Variants in ADAMTS18 observed in about 807,000 individuals in gnomAD.
The protein encoded by ADAMTS18 is A disintegrin and metalloproteinase with thrombospondin motifs 18.
ADAMTS18 carries 157 observed loss-of-function variants against 165.9 expected under a neutral mutation model. The observed-to-expected ratio is 0.95, with a 90% confidence interval of 0.83 to 1.08. ADAMTS18 has a LOEUF of 1.08. Ranked by LOEUF, ADAMTS18 falls within the 50% of genes least tolerant of loss-of-function variation. The probability of loss-of-function intolerance (pLI) is 0.00; values close to 1 mark genes in which losing one functional copy is unlikely to be tolerated. For synonymous variants in ADAMTS18, 782 were observed against 578.2 expected, an observed-to-expected ratio of 1.35 and a Z score of -5.06; for missense variants, 2,040 against 1,534.0, an observed-to-expected ratio of 1.33 and a Z score of -5.51.
At chr16:77,342,336 T>C (rs2056411002) in intron 10 of ADAMTS18, among the ~76,000 whole-genome samples, 1 of 152,220 alleles carries the variant, frequency 6.6e-6, no homozygotes, top group Non-Finnish European at 1.5e-5. Flanking sequence ...CATGCAGTTC[T>C]CAAAAATACT....
At chr16:77,321,336 G>C in intron 14 of ADAMTS18, 134 bp from the exon 15 acceptor site, 1 of 1,218,684 alleles carries the variant, frequency 8.2e-7, no homozygotes, top group South Asian at 1.3e-5. Context: ...AAAAATCACA[G>C]CCTCAAGTTG....
At chr16:77,322,784 A>G (rs2056026946) in intron 13 of ADAMTS18, among the ~76,000 whole-genome samples, 1 of 152,208 alleles carries the variant, frequency 6.6e-6, no homozygotes, top group Non-Finnish European at 1.5e-5. Flanking sequence ...CAAAGGCCTG[A>G]TGGTCAGCCA....
intron 10 of ADAMTS18, among the ~76,000 whole-genome samples, chr16:77,352,658 AGGAG>A (rs1653690071): frequency 6.6e-6 from 1 of 152,106 alleles, no homozygotes; most frequent in Admixed American, 6.5e-5. Context: ...GTGGCAGAGA[AGGAG>A]GAATAGGGAG....
chr16:77,365,007 G>T (rs1224432716), intron 4 of ADAMTS18, among the ~76,000 whole-genome samples: 1 of 152,118 alleles, frequency 6.6e-6, no homozygotes, highest in Non-Finnish European at 1.5e-5. Context: ...TTGGGAGGCT[G>T]AGGCAGGCGG....
chr16:77,356,621 A>G (rs1303216241), intron 8 of ADAMTS18, among the ~76,000 whole-genome samples: 1 of 130,494 alleles, frequency 7.7e-6, no homozygotes, highest in Non-Finnish European at 1.8e-5. Flanking sequence ...ACTCTCTTAT[A>G]ATAAACATTT....
intron 3 of ADAMTS18, among the ~76,000 whole-genome samples, chr16:77,426,054 A>C (rs553780230): frequency 6.6e-6 from 1 of 151,496 alleles, no homozygotes; most frequent in African/African-American, 2.4e-5. Flanking sequence ...CAAACAAACA[A>C]ACAGAAACGG....
chr16:77,363,593 A>C (rs538115800), intron 6 of ADAMTS18, among the ~76,000 whole-genome samples: 14 of 151,522 alleles, frequency 9.2e-5, no homozygotes, highest in Non-Finnish European at 1.8e-4. Flanking sequence ...TGCATATATA[A>C]ATATATTTAA....
intron 6 of ADAMTS18, 150 bp downstream of exon 6, chr16:77,363,652 C>G (rs1364210105): frequency 4.8e-6 from 3 of 623,720 alleles, no homozygotes; most frequent in East Asian, 2.8e-5. Context: ...ATTACACAAT[C>G]TTTTAAAATT....
In ADAMTS18 at chr16:77,321,148, C is replaced by A. The variant is rs199599392; in HGVS notation, c.2218G>T (p.Val740Phe). 1 of 1,614,010 alleles carries A rather than the reference C, an allele frequency of 6.2e-7. No individual in the cohort carries two copies. Among genetic ancestry groups the A allele is most frequent in the Non-Finnish European group, 8.5e-7 (1 of 1,180,018 alleles). ...CAAGTTGAATTATCACCTTTGCAAACGCCACAAGCATCTGAAACTGCTTTA... is the reference window on the plus strand; with the variant it reads ...CAAGTTGAATTATCACCTTTGCAAAAGCCACAAGCATCTGAAACTGCTTTA... ...GSKAVSDACG[V>F]CKGDNSTCKF... Residue 740 changes from valine to phenylalanine, a missense_variant, in exon 15 of 23, where the codon GTT becomes TTT. Val to Phe is a conservative substitution (Grantham distance 50). Coordinates refer to ENST00000282849, the MANE Select transcript of ADAMTS18 (RefSeq NM_199355.4).
In ADAMTS18 at chr16:77,283,750, T is replaced by TCAAGTGCTTCAGAGTAC. The variant is rs2055193295; in HGVS notation, c.*189_*205dup. The TCAAGTGCTTCAGAGTAC allele has an allele frequency of 5.3e-6, 3 of 567,638 alleles. No individual in the cohort carries two copies. The Admixed American group carries it at 9.2e-5, about 17-fold the overall frequency. 35.2% of individuals were successfully genotyped at this position (567,638 alleles called of 1,614,324 possible). On this transcript the variant is annotated 3_prime_UTR_variant, in exon 23 of 23. Coordinates refer to ENST00000282849, the MANE Select transcript of ADAMTS18 (RefSeq NM_199355.4). ...TCAGATTTGTCATCGCTTCCCATTTTCAAGTGCTTCAGAGTACCACGTGCT... is the reference window on the plus strand; with the variant it reads ...TCAGATTTGTCATCGCTTCCCATTTTCAAGTGCTTCAGAGTACCAAGTGCTTCAGAGTACCACGTGCT...
intron 15 of ADAMTS18, among the ~76,000 whole-genome samples, 173 bp from the exon 16 acceptor site, chr16:77,320,266 A>G (rs2055971381): frequency 6.6e-6 from 1 of 152,196 alleles, no homozygotes; most frequent in African/African-American, 2.4e-5. Context: ...TTGTCCAAAT[A>G]GTAAGAACAC....
chr16:77,311,439 C>G (rs142267288), intron 16 of ADAMTS18, among the ~76,000 whole-genome samples: 57 of 152,296 alleles, frequency 3.7e-4, no homozygotes, highest in Non-Finnish European at 6.2e-4. Flanking sequence ...TATTCAACTT[C>G]CTTTAAAGAA....
In ADAMTS18 at chr16:77,404,100, G is replaced by A. The variant is rs115504158; in HGVS notation, c.495+27195C>T. 4.7e-3 allele frequency among the ~76,000 whole-genome samples: 704 copies of A among 148,816 alleles called. 4 individuals are homozygous for A. Among genetic ancestry groups the A allele is most frequent in the African/African-American group, 0.015 (621 of 40,868 alleles). On this transcript the variant is annotated intron_variant, in intron 3 of 22. Coordinates refer to ENST00000282849, the MANE Select transcript of ADAMTS18 (RefSeq NM_199355.4). ...GTACAATATGAAAATTCTTCAGAAG[G>A]TAATTCTTGTGAAACAAAAAGCTTT...
At chr16:77,320,311 A>T (rs1439394427) in intron 15 of ADAMTS18, among the ~76,000 whole-genome samples, 1 of 152,180 alleles carries the variant, frequency 6.6e-6, no homozygotes, top group African/African-American at 2.4e-5. Context: ...AAAGCCTTCC[A>T]ACTATGTTTT....
At chr16:77,402,213 T>C (rs2057340745) in intron 3 of ADAMTS18, among the ~76,000 whole-genome samples, 1 of 152,178 alleles carries the variant, frequency 6.6e-6, no homozygotes, top group Admixed American at 6.5e-5. Context: ...CAAAGAACTT[T>C]AGTTATATAA....
chr16:77,372,813 T>C (rs569639153), intron 3 of ADAMTS18, among the ~76,000 whole-genome samples: 91 of 152,278 alleles, frequency 6.0e-4, no homozygotes, highest in African/African-American at 2.0e-3. Flanking sequence ...ACACTTTCTA[T>C]TGACGTCCCA....
intron 3 of ADAMTS18, among the ~76,000 whole-genome samples, chr16:77,423,244 G>A (rs1190672435): frequency 1.3e-5 from 2 of 152,162 alleles, no homozygotes; most frequent in Non-Finnish European, 1.5e-5. Flanking sequence ...TGGCTCCAGT[G>A]TTAATAGCCA....
intron 3 of ADAMTS18, among the ~76,000 whole-genome samples, chr16:77,373,181 T>C (rs16945559): frequency 0.059 from 8,977 of 152,194 alleles, 610 homozygotes; most frequent in African/African-American, 0.16. Context: ...GAAGCCGTAC[T>C]CACGACCCTA....
intron 16 of ADAMTS18, among the ~76,000 whole-genome samples, chr16:77,300,677 C>T (rs1173124475): frequency 1.3e-5 from 2 of 152,000 alleles, no homozygotes; most frequent in Non-Finnish European, 2.9e-5. Context: ...TATACACAAA[C>T]ACATACATAC....
Sources: gnomAD v4.1 joint callset for allele counts (sites outside exome capture counted in the v4.1 genomes callset) on GRCh38, gnomAD v4.1.1 for gene constraint, MANE v1.5 for transcripts, NCBI Gene and HGNC (gene_info 2026-07-23, HGNC 2026-07-21) for gene names.